The following AGAP1 variants were observed in gnomAD, a reference collection of about 807,000 sequenced individuals.
AGAP1 encodes arf-GAP with GTPase, ANK repeat and PH domain-containing protein 1.
In AGAP1, 29 loss-of-function variants were observed where a neutral mutation model predicts 105.3. The observed-to-expected ratio is 0.28, with a 90% CI of 0.21 to 0.38. AGAP1 has a LOEUF of 0.38. Ranked by LOEUF, AGAP1 falls within the 10% of genes least tolerant of loss-of-function variation. The pLI is 1.00. For synonymous variants in AGAP1, 509 were observed against 485.9 expected (o/e 1.05, Z -0.63); for missense variants, 998 against 1,165.1 (o/e 0.86, Z 2.09).
At chr2:235,921,569 A>AT (rs908411345) in intron 11 of AGAP1, among the ~76,000 whole-genome samples, 2 of 152,168 alleles carry the variant, frequency 1.3e-5, no homozygotes, top group African/African-American at 4.8e-5. Context: ...GAGCTGTGTA[A>AT]TTCCAGGATG....
At position 235,751,946 on chromosome 2, in the gene AGAP1, G is replaced by A. The variant is rs1298346124; in HGVS notation, c.673+1458G>A. 6.6e-6 allele frequency among the ~76,000 whole-genome samples: 1 copy of A among 152,164 alleles called. No individual in the cohort carries two copies. Among genetic ancestry groups the A allele is most frequent in the Non-Finnish European group, 1.5e-5 (1 of 68,040 alleles). On this transcript the variant is annotated intron_variant, in intron 6 of 17. Transcript: ENST00000304032. This position sits in a 1 kb window ranked among gnomAD's most constrained non-coding sequence, Gnocchi z 5.3. ...GCCTCTGTCGGGAGAATGTCCTGTG[G>A]GGAGTAAACCTCATTTCAAGCCGTG... is the stretch of plus-strand genomic sequence containing the variant.
rs1180149883 is a variant in AGAP1 at position 236,003,049 on chromosome 2, GC to G, written c.1646-33509del. Among the ~76,000 whole-genome samples, 1 of 151,752 alleles carries G rather than the reference GC, an allele frequency of 6.6e-6. No individual in the cohort carries two copies. The highest frequency in any genetic ancestry group is 1.9e-4 in the East Asian group (1 of 5,130). On this transcript the variant is annotated intron_variant, in intron 13 of 17. Coordinates refer to ENST00000304032, the MANE Select transcript of AGAP1 (RefSeq NM_001037131.3). This position sits in a 1 kb window ranked among gnomAD's most constrained non-coding sequence, Gnocchi z 4.2. ...AAGTTAGAAAATTACTCACGTATTC[GC>G]CCACTGTGTGCCAACAGAGTCTTGA...
chr2:235,573,019 TTC>T (rs776973950), intron 1 of AGAP1, among the ~76,000 whole-genome samples: 20,175 of 54,632 alleles, frequency 0.37, 3,689 homozygotes, highest in South Asian at 0.57. Context: ...CTTCTTCTTC[TTC>T]TTCTTCTTCT....
At position 235,893,963 on chromosome 2, in the gene AGAP1, G is replaced by A. The variant is rs1438600268; in HGVS notation, c.1155+10514G>A. 6.6e-6 allele frequency among the ~76,000 whole-genome samples: 1 copy of A among 152,126 alleles called. No homozygotes were observed. The highest frequency in any genetic ancestry group is 1.5e-5 in the Non-Finnish European group (1 of 68,032). ...CATGACCTCCCTAAACTGACATAGG[G>A]TTGGGTGAACACACACACACACACG... On this transcript the variant is annotated intron_variant, in intron 10 of 17. Transcript: ENST00000304032. This position sits in a 1 kb window ranked among gnomAD's most constrained non-coding sequence, Gnocchi z 4.7.
intron 1 of AGAP1, among the ~76,000 whole-genome samples, chr2:235,708,635 A>G (rs1391829228): frequency 6.6e-6 from 1 of 152,222 alleles, no homozygotes; most frequent in Non-Finnish European, 1.5e-5. Context: ...TCTGAGCTGT[A>G]ACCTGTTACT....
Position 235,875,498 on chromosome 2 carries a change from C to T in AGAP1, c.1051-7847C>T, listed in dbSNP as rs1286575092. Among the ~76,000 whole-genome samples the T allele has an allele frequency of 6.6e-6, 1 of 152,156 alleles. No homozygotes were observed. Among genetic ancestry groups the T allele is most frequent in the Non-Finnish European group, 1.5e-5 (1 of 68,026 alleles). On this transcript the variant is annotated intron_variant, in intron 9 of 17. Transcript: ENST00000304032. This position sits in a 1 kb window ranked among gnomAD's most constrained non-coding sequence, Gnocchi z 4.0. ...GAGGCTGTGCGGCTCAGGGCCAGGT[C>T]GGTTTTGAGTCACGTGCTTACTGTG...
chr2:235,639,058 A>C lies in AGAP1; in HGVS notation c.164-70121A>C, dbSNP rs190276355. On this transcript the variant is annotated intron_variant, in intron 1 of 17. Transcript: ENST00000304032. This position sits in a 1 kb window ranked among gnomAD's most constrained non-coding sequence, Gnocchi z 5.3. ...TCAGTAGGGGTGGAGAGAAGGGGAC[A>C]AAAGAGTCTTAGAGCCATTTGAGAG... 1.4e-4 allele frequency among the ~76,000 whole-genome samples: 21 copies of C among 152,334 alleles called. No homozygotes were observed. The highest frequency in any genetic ancestry group is 1.2e-3 in the South Asian group (6 of 4,826).
In AGAP1 at chr2:235,797,857, G is replaced by A. The variant is rs777883161; in HGVS notation, c.772G>A (p.Ala258Thr). 1.7e-5 allele frequency: 27 copies of A among 1,614,182 alleles called. No individual in the cohort carries two copies. Among genetic ancestry groups the A allele is most frequent in the Middle Eastern group, 1.6e-4 (1 of 6,062 alleles). ...NSPSHSSVCS[A>T]QVSAVHISQT... ...TCCCAGCCATTCCTCCGTCTGTTCC[G>A]CGCAGGTGTCTGCCGTGCACATCAG... The change falls in exon 7 of 18, where the codon GCG (alanine) becomes ACG (threonine). Residue 258 changes from alanine to threonine, a missense_variant. By Grantham distance (58) the Ala-to-Thr change is moderately conservative. This residue lies in a region of AGAP1 where 735 missense variants were observed against 833.4 expected (regional missense o/e 0.88). Transcript: ENST00000304032.
In AGAP1 at chr2:235,714,532, G is replaced by A. The variant is rs73996333; in HGVS notation, c.223-3025G>A. On this transcript the variant is annotated intron_variant, in intron 2 of 17. Coordinates refer to ENST00000304032, the MANE Select transcript of AGAP1 (RefSeq NM_001037131.3). The surrounding 1 kb of genome is among the most constrained non-coding windows in gnomAD (Gnocchi z 4.1). ...GGGCTTGGTAGCTGATTGACTAGAA[G>A]GCCAAGCAGGGAGCGGGCAGATGAG... is the stretch of plus-strand genomic sequence containing the variant. 0.016 allele frequency among the ~76,000 whole-genome samples: 2,486 copies of A among 151,866 alleles called. 65 individuals carry two copies. Among genetic ancestry groups the A allele is most frequent in the African/African-American group, 0.058 (2,386 of 41,382 alleles).
chr2:236,042,000 G>C (rs2057563055), intron 15 of AGAP1, among the ~76,000 whole-genome samples: 1 of 152,180 alleles, frequency 6.6e-6, no homozygotes, highest in African/African-American at 2.4e-5. Context: ...ATGCTTTTTG[G>C]GCTGGAAAAC....
rs546184929 is a variant in AGAP1, at chr2:236,103,993, T to A, written c.2115-16199T>A. Among the ~76,000 whole-genome samples, 87 of 152,342 alleles carry A rather than the reference T, an allele frequency of 5.7e-4. 2 individuals are homozygous for A. In the South Asian group the frequency reaches 0.016, roughly 28 times the overall value. On this transcript the variant is annotated intron_variant, in intron 16 of 17. Transcript: ENST00000304032. The stretch of plus-strand genomic sequence containing the variant: ...ACAACCGCCTTACGTCCTTACTATG[T>A]CCCTGAGATGTGGAGGGTTTTATCC...
At chr2:235,800,058 G>A (rs1445587607) in intron 8 of AGAP1, among the ~76,000 whole-genome samples, 2 of 151,522 alleles carry the variant, frequency 1.3e-5, no homozygotes, top group Non-Finnish European at 2.9e-5. Flanking sequence ...TCTGGGTTCA[G>A]GTTTATAAAT....
chr2:235,729,907 G>A lies in AGAP1; in HGVS notation c.311-11056G>A, dbSNP rs1406048640. 1.3e-5 allele frequency among the ~76,000 whole-genome samples: 2 copies of A among 152,148 alleles called. No homozygotes were observed. Among genetic ancestry groups the A allele is most frequent in the Middle Eastern group, 3.4e-3 (1 of 294 alleles). On this transcript the variant is annotated intron_variant, in intron 3 of 17. Transcript: ENST00000304032. This position sits in a 1 kb window ranked among gnomAD's most constrained non-coding sequence, Gnocchi z 5.0. Reference sequence around the variant, plus strand: ...AACAAAGAAGGATACAACATGCAAGGCCTAAAATGTTTACTTTCTGGCCTT... The same window carrying A: ...AACAAAGAAGGATACAACATGCAAGACCTAAAATGTTTACTTTCTGGCCTT...
At chr2:235,920,200 C>G (rs1320722609) in intron 11 of AGAP1, among the ~76,000 whole-genome samples, 1 of 152,112 alleles carries the variant, frequency 6.6e-6, no homozygotes, top group African/African-American at 2.4e-5. Context: ...GAGAAAGCAA[C>G]TTTGTCTTTA....
At position 235,777,276 on chromosome 2, in the gene AGAP1, G is replaced by A. The variant is rs904522361; in HGVS notation, c.674-20483G>A. Among the ~76,000 whole-genome samples the A allele has an allele frequency of 1.1e-4, 17 of 152,200 alleles. No homozygotes were observed. Among genetic ancestry groups the A allele is most frequent in the African/African-American group, 3.9e-4 (16 of 41,452 alleles). ...GAGGCAGGAGAATCACTTGAGCCTG[G>A]GAGGCGGAGGTTGCAGTGAGCCGAG... On this transcript the variant is annotated intron_variant, in intron 6 of 17. Coordinates refer to ENST00000304032, the MANE Select transcript of AGAP1 (RefSeq NM_001037131.3). The surrounding 1 kb of genome is among the most constrained non-coding windows in gnomAD (Gnocchi z 5.1).
In AGAP1 at chr2:235,964,231, G is replaced by A. The variant is rs1016647238; in HGVS notation, c.1484-4231G>A. Among the ~76,000 whole-genome samples the A allele has an allele frequency of 3.9e-5, 6 of 152,130 alleles. No individual in the cohort carries two copies. The highest frequency in any genetic ancestry group is 2.1e-4 in the South Asian group (1 of 4,830). On this transcript the variant is annotated intron_variant, in intron 12 of 17. Coordinates refer to ENST00000304032, the MANE Select transcript of AGAP1 (RefSeq NM_001037131.3). This position sits in a 1 kb window ranked among gnomAD's most constrained non-coding sequence, Gnocchi z 4.6. ...CAGTTGGGGATGAACATGGCCTGTCGAAATGAGAGGACACCCAAGGGACAG... is the reference window on the plus strand; with the variant it reads ...CAGTTGGGGATGAACATGGCCTGTCAAAATGAGAGGACACCCAAGGGACAG...
At chr2:236,118,881 T>C (rs1373877139) in intron 16 of AGAP1, among the ~76,000 whole-genome samples, 1 of 152,132 alleles carries the variant, frequency 6.6e-6, no homozygotes, top group Non-Finnish European at 1.5e-5. Flanking sequence ...GAGTTTTCAG[T>C]ATCTGTCACG....
rs547545592 is a variant in AGAP1 at position 235,961,195 on chromosome 2, A to C, written c.1484-7267A>C. Among the ~76,000 whole-genome samples, 1 of 152,248 alleles carries C rather than the reference A, an allele frequency of 6.6e-6. No homozygotes were observed. Among genetic ancestry groups the C allele is most frequent in the South Asian group, 2.1e-4 (1 of 4,824 alleles). Reference sequence around the variant, plus strand: ...GCATGTCATGTCCCCATGTGGAGAGAGCCACGGAGCACAGGGGGCCGGGAG... The same window carrying C: ...GCATGTCATGTCCCCATGTGGAGAGCGCCACGGAGCACAGGGGGCCGGGAG... On this transcript the variant is annotated intron_variant, in intron 12 of 17. Coordinates refer to ENST00000304032, the MANE Select transcript of AGAP1 (RefSeq NM_001037131.3). This position sits in a 1 kb window ranked among gnomAD's most constrained non-coding sequence, Gnocchi z 5.9.
intron 1 of AGAP1, among the ~76,000 whole-genome samples, chr2:235,500,787 C>T (rs893301773): frequency 1.3e-5 from 2 of 151,980 alleles, no homozygotes; most frequent in African/African-American, 4.8e-5. Flanking sequence ...GGGATGGCAC[C>T]GGGTTCAAGA....
Sources: allele counts gnomAD v4.1 joint callset (sites outside exome capture counted in the v4.1 genomes callset), GRCh38; gene constraint gnomAD v4.1.1; regional missense constraint gnomAD v4.1.1; non-coding constraint Gnocchi (gnomAD v3.1); transcripts MANE v1.5; gene names NCBI Gene and HGNC (gene_info 2026-07-23, HGNC 2026-07-21).